Variants in GPATCH2 observed in about 807,000 individuals in gnomAD.
The protein encoded by GPATCH2 is G-patch domain containing 2, also known as G patch domain-containing protein 2.
A neutral mutation model predicts 58.0 loss-of-function variants in GPATCH2; 51 were observed. The ratio of observed to expected loss-of-function variants is 0.88; its 90% CI spans 0.70 to 1.11. The LOEUF (loss-of-function observed/expected upper bound fraction) is 1.11. Among genes scored for constraint, GPATCH2 ranks in the 50% most tolerant of loss-of-function variants. The pLI, the probability that GPATCH2 is intolerant of heterozygous loss-of-function variation, is 0.00. For missense variants in GPATCH2, 625 were observed against 652.2 expected (o/e 0.96, Z 0.45); for synonymous variants, 222 against 218.5 (o/e 1.02, Z -0.14).
chr1:217,462,813 G>A (rs546658366), intron 8 of GPATCH2, among the ~76,000 whole-genome samples: 19 of 152,320 alleles, frequency 1.2e-4, no homozygotes, highest in African/African-American at 4.3e-4. Flanking sequence ...GAAGAGCACA[G>A]CAGTTAAGAG....
At chr1:217,546,008 G>A (rs1665027444) in intron 5 of GPATCH2, among the ~76,000 whole-genome samples, 1 of 152,152 alleles carries the variant, frequency 6.6e-6, no homozygotes. Flanking sequence ...TCTTACCTGT[G>A]AAATGAAGAT....
chr1:217,512,062 T>C (rs879720331), intron 6 of GPATCH2, among the ~76,000 whole-genome samples: 20 of 152,206 alleles, frequency 1.3e-4, no homozygotes, highest in Middle Eastern at 3.4e-3. Context: ...TGGTGGCTCA[T>C]GGCTGTAATC....
chr1:217,622,870 T>C (rs1669266970), intron 1 of GPATCH2, among the ~76,000 whole-genome samples: 1 of 152,120 alleles, frequency 6.6e-6, no homozygotes, highest in African/African-American at 2.4e-5. Flanking sequence ...AACATTGAAT[T>C]TGATTAAAAG....
In GPATCH2 at chr1:217,582,662, G is replaced by A. The variant is rs367659637; in HGVS notation, c.1098+27659C>T. Among the ~76,000 whole-genome samples the A allele has an allele frequency of 3.2e-4, 48 of 152,256 alleles. 1 individual carries two copies. In the South Asian group the frequency reaches 8.5e-3, roughly 27 times the overall value. Reference sequence around the variant, plus strand: ...AATGCTTTAAAATAAAAGTATTGTGGTGCTAAATATAATGGATTAAATTAT... The same window carrying A: ...AATGCTTTAAAATAAAAGTATTGTGATGCTAAATATAATGGATTAAATTAT... On this transcript the variant is annotated intron_variant, in intron 5 of 9. Transcript: ENST00000366935.
At chr1:217,554,709 T>A (rs2095106) in intron 5 of GPATCH2, among the ~76,000 whole-genome samples, 59,647 of 151,938 alleles carry the variant, frequency 0.39, 12,447 homozygotes, top group East Asian at 0.73. Context: ...CTATACAAAT[T>A]ATAGTAATAT....
At chr1:217,539,886 T>C (rs1558469400) in intron 5 of GPATCH2, among the ~76,000 whole-genome samples, 1 of 118,986 alleles carries the variant, frequency 8.4e-6, no homozygotes, top group South Asian at 3.1e-4. Context: ...TATTTATATA[T>C]GTATTTATAA....
intron 5 of GPATCH2, among the ~76,000 whole-genome samples, chr1:217,541,043 A>C (rs906683234): frequency 7.2e-5 from 11 of 152,222 alleles, no homozygotes; most frequent in African/African-American, 2.7e-4. Flanking sequence ...GAATTTGGCC[A>C]AACAGCCAGG....
chr1:217,597,533 G>A (rs1047379477), intron 5 of GPATCH2, among the ~76,000 whole-genome samples: 30 of 151,984 alleles, frequency 2.0e-4, no homozygotes, highest in African/African-American at 7.3e-4. Flanking sequence ...GGCAATTCAT[G>A]GATAGTCTAT....
chr1:217,593,288 T>C (rs955503401), intron 5 of GPATCH2, among the ~76,000 whole-genome samples: 2 of 151,912 alleles, frequency 1.3e-5, no homozygotes, highest in African/African-American at 4.8e-5. Flanking sequence ...TTATTAGAAA[T>C]TGCAATAAAT....
At position 217,429,978 on chromosome 1, in the gene GPATCH2, T is replaced by A. The variant is rs1354929580; in HGVS notation, c.*1167A>T. On this transcript the variant is annotated 3_prime_UTR_variant, in exon 10 of 10. Coordinates refer to ENST00000366935, the MANE Select transcript of GPATCH2 (RefSeq NM_018040.5). Reference sequence around the variant, plus strand: ...AATAGAATGATAATAATCATCATCATAATAAGTTGTTAATAATGAAGATAA... The same window carrying A: ...AATAGAATGATAATAATCATCATCAAAATAAGTTGTTAATAATGAAGATAA... 1 of 51,312 alleles carries A rather than the reference T, an allele frequency of 1.9e-5. No individual in the cohort carries two copies. The highest frequency in any genetic ancestry group is 4.4e-5 in the Non-Finnish European group (1 of 22,836). 3.2% of individuals were successfully genotyped at this position (51,312 alleles called of 1,614,324 possible).
chr1:217,467,838 C>T (rs543275604), intron 8 of GPATCH2, among the ~76,000 whole-genome samples: 3 of 152,186 alleles, frequency 2.0e-5, no homozygotes, highest in Non-Finnish European at 4.4e-5. Context: ...GACTCCTGGT[C>T]TAAGCCAGAA....
In GPATCH2 at chr1:217,499,733, C is replaced by CT. The variant is rs531197050; in HGVS notation, c.1167-1339dup. Among the ~76,000 whole-genome samples the CT allele has an allele frequency of 4.8e-3, 674 of 141,148 alleles. 4 individuals carry two copies. The highest frequency in any genetic ancestry group is 0.012 in the African/African-American group (454 of 38,786). The allele number at this position is 141,148 out of a possible 152,430, so 92.6% of individuals were successfully genotyped here. A position where few individuals can be genotyped will look rare whatever the true frequency, so the allele number is the denominator to read the frequency against. ...ATATTTCCCCTGTTTTGGATTGTGC[C>CT]TTTTTTTTTTTTTTATTTAAAGACA... is the stretch of plus-strand genomic sequence containing the variant. On this transcript the variant is annotated intron_variant, in intron 6 of 9. Coordinates refer to ENST00000366935, the MANE Select transcript of GPATCH2 (RefSeq NM_018040.5).
intron 5 of GPATCH2, chr1:217,609,937 C>T: frequency 1.6e-6 from 2 of 1,240,946 alleles, no homozygotes; most frequent in Non-Finnish European, 2.0e-6. Flanking sequence ...TTTCTATCCA[C>T]CCTGGGCCAA....
intron 5 of GPATCH2, among the ~76,000 whole-genome samples, chr1:217,536,323 G>A (rs1664460597): frequency 2.0e-5 from 3 of 152,256 alleles, no homozygotes; most frequent in South Asian, 4.2e-4. Context: ...ATTAAAAAGA[G>A]AAAATACATA....
chr1:217,451,636 A>T (rs777323671), intron 8 of GPATCH2, among the ~76,000 whole-genome samples: 1 of 152,198 alleles, frequency 6.6e-6, no homozygotes, highest in Non-Finnish European at 1.5e-5. Context: ...CCTTTCACAT[A>T]TCTTATCCCT....
intron 6 of GPATCH2, among the ~76,000 whole-genome samples, chr1:217,504,367 C>T (rs1662448797): frequency 6.6e-6 from 1 of 152,162 alleles, no homozygotes; most frequent in South Asian, 2.1e-4. Context: ...CCCAATGTCT[C>T]TGCCGATATA....
intron 5 of GPATCH2, among the ~76,000 whole-genome samples, chr1:217,562,005 ACATACCTGAG>A (rs1448409385): frequency 6.6e-6 from 1 of 152,204 alleles, no homozygotes; most frequent in Non-Finnish European, 1.5e-5. Context: ...CAAGTTCTGA[ACATACCTGAG>A]CATACAACTT....
intron 9 of GPATCH2, among the ~76,000 whole-genome samples, chr1:217,442,480 T>TA (rs982286246): frequency 1.4e-4 from 21 of 152,324 alleles, no homozygotes; most frequent in African/African-American, 5.1e-4. Flanking sequence ...TGCCAGAACT[T>TA]AAAGTATAAG....
At chr1:217,594,618 T>G (rs944699398) in intron 5 of GPATCH2, among the ~76,000 whole-genome samples, 14 of 152,162 alleles carry the variant, frequency 9.2e-5, no homozygotes, top group Non-Finnish European at 2.1e-4. Flanking sequence ...CAAGACACAG[T>G]GATGCTATAT....
Sources: gnomAD v4.1 joint callset for allele counts (sites outside exome capture counted in the v4.1 genomes callset) on GRCh38, gnomAD v4.1.1 for gene constraint, MANE v1.5 for transcripts, NCBI Gene and HGNC (gene_info 2026-07-23, HGNC 2026-07-21) for gene names.